Variants in EXO1 observed in about 807,000 individuals in gnomAD.
EXO1 encodes exonuclease 1.
Under a neutral mutation model 84.5 loss-of-function variants are expected in EXO1, and 69 were observed. That is an observed-to-expected ratio of 0.82 (90% CI 0.67 to 1.00). The LOEUF is 1.00. EXO1 is among the 50% of genes least tolerant of loss of function. The pLI, the probability that EXO1 is intolerant of heterozygous loss-of-function variation, is 0.00. For missense variants in EXO1, 1,045 were observed against 1,000.7 expected (o/e 1.04, Z -0.60); for synonymous variants, 373 against 366.1 (o/e 1.02, Z -0.21).
chr1:241,852,903 C>T (rs945944298), intron 5 of EXO1, among the ~76,000 whole-genome samples: 2 of 152,028 alleles, frequency 1.3e-5, no homozygotes, highest in African/African-American at 2.4e-5. Context: ...GTGATCTGCC[C>T]GCCTCAGCCT....
At chr1:241,850,064 G>A (rs1395602037) in intron 3 of EXO1, among the ~76,000 whole-genome samples, 4 of 152,122 alleles carry the variant, frequency 2.6e-5, no homozygotes, top group South Asian at 2.1e-4. Flanking sequence ...GGCGGATCAC[G>A]AGTTCAGGAG....
chr1:241,870,636 C>G lies in EXO1; in HGVS notation c.1268-1396C>G, dbSNP rs570541179. On this transcript the variant is annotated intron_variant, in intron 11 of 15. Coordinates refer to ENST00000366548, the MANE Select transcript of EXO1 (RefSeq NM_130398.4). The stretch of plus-strand genomic sequence containing the variant: ...TTGATATTTGCCAGTTGCTGTTAAG[C>G]CAGGTATAGTTACATTTTAAACTTA... 3.9e-5 allele frequency among the ~76,000 whole-genome samples: 6 copies of G among 152,262 alleles called. No individual in the cohort carries two copies. In the East Asian group the frequency reaches 1.2e-3, roughly 29 times the overall value.
intron 8 of EXO1, among the ~76,000 whole-genome samples, chr1:241,858,929 A>AT (rs1661216877): frequency 6.6e-6 from 1 of 152,212 alleles, no homozygotes; most frequent in Admixed American, 6.5e-5. Flanking sequence ...AAAAGTAGTG[A>AT]TTTTTAAAAC....
At chr1:241,857,701 G>C (rs1046404939) in intron 7 of EXO1, among the ~76,000 whole-genome samples, 15 of 151,646 alleles carry the variant, frequency 9.9e-5, no homozygotes, top group Non-Finnish European at 1.5e-4. Context: ...TGAAAAGAAG[G>C]GTTTTGCTGC....
chr1:241,851,932 A>G (rs1255888126), intron 4 of EXO1, among the ~76,000 whole-genome samples: 1 of 152,210 alleles, frequency 6.6e-6, no homozygotes, highest in East Asian at 1.9e-4. Context: ...TTATTGTACT[A>G]TTCTTTCAAC....
intron 15 of EXO1, among the ~76,000 whole-genome samples, chr1:241,887,168 C>T (rs189100886): frequency 4.6e-5 from 7 of 152,242 alleles, no homozygotes; most frequent in Non-Finnish European, 7.3e-5. Flanking sequence ...CACTGGTGTC[C>T]CTTTTTTCTG....
At chr1:241,872,355 A>C in intron 12 of EXO1, 77 bp downstream of exon 12, 1 of 1,491,288 alleles carries the variant, frequency 6.7e-7, no homozygotes. Context: ...CTTTTTTTAG[A>C]ATTAATTTAT....
chr1:241,857,573 A>G (rs1043158379), intron 7 of EXO1, 91 bp downstream of exon 7: 4 of 510,546 alleles, frequency 7.8e-6, no homozygotes, highest in Admixed American at 4.1e-5. Flanking sequence ...GGAAATTATG[A>G]TAATTTATAA....
intron 6 of EXO1, among the ~76,000 whole-genome samples, chr1:241,855,505 C>A (rs989184375): frequency 5.1e-4 from 77 of 152,368 alleles, no homozygotes; most frequent in African/African-American, 1.8e-3. Context: ...GACTCAGGAG[C>A]CCAGCTGGCT....
chr1:241,875,568 A>T (rs1399472737), intron 12 of EXO1, among the ~76,000 whole-genome samples: 1 of 151,762 alleles, frequency 6.6e-6, no homozygotes, highest in African/African-American at 2.4e-5. Context: ...CAAAACTGGA[A>T]CAGTGTTCTA....
At chr1:241,853,134 C>T (rs2148389498) in intron 5 of EXO1, among the ~76,000 whole-genome samples, 1 of 150,040 alleles carries the variant, frequency 6.7e-6, no homozygotes, top group South Asian at 2.1e-4. Flanking sequence ...TAATGGTAAT[C>T]TTGTGTGTGT....
chr1:241,867,215 T>A (rs1172053451), intron 11 of EXO1, among the ~76,000 whole-genome samples, 160 bp downstream of exon 11: 1 of 152,236 alleles, frequency 6.6e-6, no homozygotes, highest in Non-Finnish European at 1.5e-5. Flanking sequence ...TACCTGAGAC[T>A]GGGCAATTTA....
At chr1:241,850,289 A>C (rs1660587726) in intron 3 of EXO1, 120 bp from the exon 4 acceptor site, 2 of 707,190 alleles carry the variant, frequency 2.8e-6, no homozygotes, top group Non-Finnish European at 2.3e-6. Context: ...CAAAAAAAAA[A>C]AAAAACAACA....
At chr1:241,874,261 T>C (rs1241411626) in intron 12 of EXO1, among the ~76,000 whole-genome samples, 1 of 152,138 alleles carries the variant, frequency 6.6e-6, no homozygotes, top group Non-Finnish European at 1.5e-5. Flanking sequence ...TAGCTGGACA[T>C]GGTGGTGTGC....
intron 6 of EXO1, among the ~76,000 whole-genome samples, chr1:241,855,762 C>T (rs1201901026): frequency 6.6e-6 from 1 of 152,258 alleles, no homozygotes; most frequent in Admixed American, 6.5e-5. Flanking sequence ...AAATAGAGCG[C>T]AGCGCCGGTG....
chr1:241,872,963 TC>T (rs1662197229), intron 12 of EXO1, among the ~76,000 whole-genome samples: 1 of 152,180 alleles, frequency 6.6e-6, no homozygotes, highest in South Asian at 2.1e-4. Context: ...TAATTCACAC[TC>T]CCACCAACAG....
intron 14 of EXO1, 82 bp from the exon 15 acceptor site, chr1:241,885,232 A>ATAAATAAATAAGTAAG (rs1296876717): frequency 2.9e-5 from 23 of 779,968 alleles, no homozygotes; most frequent in African/African-American, 1.1e-4. Flanking sequence ...AAATAAATAA[A>ATAAATAAATAAGTAAG]TAAGTAAAGA....
intron 6 of EXO1, among the ~76,000 whole-genome samples, chr1:241,855,971 C>T (rs1002064932): frequency 9.2e-5 from 14 of 152,332 alleles, no homozygotes; most frequent in African/African-American, 3.4e-4. Flanking sequence ...CTCCACACCT[C>T]CCTGTAAGCT....
chr1:241,868,266 C>T (rs1661863133), intron 11 of EXO1, among the ~76,000 whole-genome samples: 1 of 151,032 alleles, frequency 6.6e-6, no homozygotes, highest in African/African-American at 2.4e-5. Context: ...ATCCCAGCTA[C>T]TTGTGAGGCT....
Sources: gnomAD v4.1 joint callset for allele counts (sites outside exome capture counted in the v4.1 genomes callset) on GRCh38, gnomAD v4.1.1 for gene constraint, MANE v1.5 for transcripts, NCBI Gene and HGNC (gene_info 2026-07-23, HGNC 2026-07-21) for gene names.